Variants in PHLDB1 observed in about 807,000 individuals in gnomAD.
PHLDB1 encodes the protein pleckstrin homology like domain family B member 1.
In PHLDB1, 65 loss-of-function variants were observed where a neutral mutation model predicts 139.3. The ratio of observed to expected loss-of-function variants is 0.47; its 90% CI spans 0.38 to 0.57. The LOEUF is 0.57. PHLDB1 is among the 20% of genes least tolerant of loss of function. PHLDB1 has a pLI of 0.00. For missense variants in PHLDB1, 1,624 were observed against 1,839.7 expected (o/e 0.88, Z 2.14); for synonymous variants, 679 against 734.5 (o/e 0.92, Z 1.22).
At position 118,645,859 on chromosome 11, in the gene PHLDB1, G is replaced by T; in HGVS notation, c.3507+34G>T. On this transcript the variant is annotated intron_variant, in intron 17 of 22. Coordinates refer to ENST00000600882, the MANE Select transcript of PHLDB1 (RefSeq NM_001144758.3). The surrounding 1 kb of genome is among the most constrained non-coding windows in gnomAD (Gnocchi z 5.1). ...GACCTGGATCGGGGAGGCAGAAGGTGTTGGGGCACAGAGCTACCTACTGCA... is the reference window on the plus strand; with the variant it reads ...GACCTGGATCGGGGAGGCAGAAGGTTTTGGGGCACAGAGCTACCTACTGCA... 1 of 1,394,662 alleles carries T rather than the reference G, an allele frequency of 7.2e-7. No individual in the cohort carries two copies. Among genetic ancestry groups the T allele is most frequent in the Non-Finnish European group, 1.0e-6 (1 of 980,498 alleles). The allele number at this position is 1,394,662 out of a possible 1,614,324, so 86.4% of individuals were successfully genotyped here.
rs114884144 is a variant in PHLDB1, at chr11:118,620,121, G to T, written c.355+3910G>T. Reference sequence around the variant, plus strand: ...CTGAGAGCATAAAACATTGTGTCCCGTAAGGCTCTGGTGTGCAGGGGCCAG... The same window carrying T: ...CTGAGAGCATAAAACATTGTGTCCCTTAAGGCTCTGGTGTGCAGGGGCCAG... On this transcript the variant is annotated intron_variant, in intron 4 of 22. Coordinates refer to ENST00000600882, the MANE Select transcript of PHLDB1 (RefSeq NM_001144758.3). This position sits in a 1 kb window ranked among gnomAD's most constrained non-coding sequence, Gnocchi z 4.1. 1.3e-5 allele frequency among the ~76,000 whole-genome samples: 2 copies of T among 152,194 alleles called. No individual in the cohort carries two copies. The highest frequency in any genetic ancestry group is 4.8e-5 in the African/African-American group (2 of 41,442).
In PHLDB1 at chr11:118,643,887, T is replaced by G; in HGVS notation, c.2965T>G (p.Ser989Ala). Residue 989 changes from serine to alanine, a missense_variant, in exon 14 of 23, where the codon TCC (serine) becomes GCC (alanine). Coordinates refer to ENST00000600882, the MANE Select transcript of PHLDB1 (RefSeq NM_001144758.3). ...CCTCCCCTCCTCCTCTGGCTCTTCC[T>G]CCTCCTCCTCCCAGCTCAGCGTGGC... is the stretch of plus-strand genomic sequence containing the variant. ...GPLPSSSGSS[S>A]SSSQLSVATL... 6.2e-7 allele frequency: 1 copy of G among 1,609,214 alleles called. No individual in the cohort carries two copies.
Position 118,642,281 on chromosome 11 carries a change from G to C in PHLDB1, c.2764G>C (p.Asp922His). The change falls in exon 13 of 23, where the codon GAC (aspartate) becomes CAC (histidine). Residue 922 changes from aspartate to histidine, a missense_variant. Physicochemically the swap from Asp to His is moderately conservative, Grantham distance 81 (BLOSUM62 -1). Coordinates refer to ENST00000600882, the MANE Select transcript of PHLDB1 (RefSeq NM_001144758.3). ...EMEKLLLPAV[D>H]LEQWYQELMA... Reference sequence around the variant, plus strand: ...GGAGAAGCTGCTGCTCCCTGCTGTAGACTTAGAGCAGTGGTACCAGGAGCT... The same window carrying C: ...GGAGAAGCTGCTGCTCCCTGCTGTACACTTAGAGCAGTGGTACCAGGAGCT... 1 of 1,612,980 alleles carries C rather than the reference G, an allele frequency of 6.2e-7. No homozygotes were observed. The highest frequency in any genetic ancestry group is 8.5e-7 in the Non-Finnish European group (1 of 1,179,916).
Position 118,650,732 on chromosome 11 carries a change from T to C in PHLDB1, c.3874+185T>C. The C allele has an allele frequency of 1.7e-6, 1 of 598,732 alleles. No individual in the cohort carries two copies. The allele number at this position is 598,732 out of a possible 1,614,324, so 37.1% of individuals were successfully genotyped here. A position where few individuals can be genotyped will look rare whatever the true frequency, so the allele number is the denominator to read the frequency against. The stretch of plus-strand genomic sequence containing the variant: ...GGTTCACCTCCATTTTTGTGTTCAT[T>C]CATTCATTCCTTCATTCAGCAATGT... On this transcript the variant is annotated intron_variant, in intron 20 of 22. Coordinates refer to ENST00000600882, the MANE Select transcript of PHLDB1 (RefSeq NM_001144758.3). This position sits in a 1 kb window ranked among gnomAD's most constrained non-coding sequence, Gnocchi z 4.7.
chr11:118,625,867 T>A (rs782710384), intron 5 of PHLDB1, among the ~76,000 whole-genome samples: 1 of 152,164 alleles, frequency 6.6e-6, no homozygotes, highest in Non-Finnish European at 1.5e-5. Flanking sequence ...AAACTCAGTC[T>A]TGCAAAGGCT....
At position 118,635,503 on chromosome 11, in the gene PHLDB1, G is replaced by A. The variant is rs753674691; in HGVS notation, c.2490G>A (p.Leu830=). 1 of 1,607,864 alleles carries A rather than the reference G, an allele frequency of 6.2e-7. No homozygotes were observed. The highest frequency in any genetic ancestry group is 8.5e-7 in the Non-Finnish European group (1 of 1,177,552). The change falls in exon 10 of 23, where the codon CTG becomes CTA. Residue 830 remains leucine, a synonymous_variant. Coordinates refer to ENST00000600882, the MANE Select transcript of PHLDB1 (RefSeq NM_001144758.3). Reference sequence around the variant, plus strand: ...AGCGCGAGCTGGCCGGCCAGGGGCTGCTCCGGAGCAAGGCTGAGCTGCTCC... The same window carrying A: ...AGCGCGAGCTGGCCGGCCAGGGGCTACTCCGGAGCAAGGCTGAGCTGCTCC... ...EEERELAGQG[L]LRSKAELLRS...
In PHLDB1 at chr11:118,623,425, C is replaced by G. The variant is rs535619667; in HGVS notation, c.356-1509C>G. Among the ~76,000 whole-genome samples the G allele has an allele frequency of 3.7e-4, 57 of 152,334 alleles. 1 individual carries two copies. The highest frequency in any genetic ancestry group is 3.4e-3 in the Middle Eastern group (1 of 294). ...TGCCACTGTGCACACTCCAGGTGCC[C>G]CTGGCTACATTTTCCAGCTCCCACA... is the stretch of plus-strand genomic sequence containing the variant. On this transcript the variant is annotated intron_variant, in intron 4 of 22. Coordinates refer to ENST00000600882, the MANE Select transcript of PHLDB1 (RefSeq NM_001144758.3).
At position 118,615,724 on chromosome 11, in the gene PHLDB1, G is replaced by A. The variant is rs111894333; in HGVS notation, c.185-317G>A. 6.4e-3 allele frequency: 1,971 copies of A among 307,942 alleles called. 7 individuals are homozygous for A. The highest frequency in any genetic ancestry group is 9.6e-3 in the Non-Finnish European group (1,612 of 167,388). The allele number at this position is 307,942 out of a possible 1,614,324, so 19.1% of individuals were successfully genotyped here. A position where few individuals can be genotyped will look rare whatever the true frequency, so the allele number is the denominator to read the frequency against. On this transcript the variant is annotated intron_variant, in intron 3 of 22. Transcript: ENST00000600882. ...GGATAAAGGACAATAGGGAGAGGCA[G>A]TTGGGGGAATAAGGGAAGATCTGCA... is the stretch of plus-strand genomic sequence containing the variant.
rs1278822512 is a variant in PHLDB1, at chr11:118,632,851, G to A, written c.2379+555G>A. On this transcript the variant is annotated intron_variant, in intron 9 of 22. Coordinates refer to ENST00000600882, the MANE Select transcript of PHLDB1 (RefSeq NM_001144758.3). This position sits in a 1 kb window ranked among gnomAD's most constrained non-coding sequence, Gnocchi z 5.9. ...GGGCCACTCCCAGATGCCCAACACC[G>A]TGCCAAAAGCTCTGAAGTGGAGAGG... The A allele has an allele frequency of 4.5e-5, 44 of 985,256 alleles. No individual in the cohort carries two copies. The highest frequency in any genetic ancestry group is 5.1e-5 in the Non-Finnish European group (42 of 829,772). 61.0% of individuals were successfully genotyped at this position (985,256 alleles called of 1,614,324 possible).
intron 3 of PHLDB1, among the ~76,000 whole-genome samples, 189 bp from the exon 4 acceptor site, chr11:118,615,852 G>A (rs1941524738): frequency 6.6e-6 from 1 of 152,216 alleles, no homozygotes; most frequent in African/African-American, 2.4e-5. Flanking sequence ...AGTTTTCTCT[G>A]TTTGAGAACA....
chr11:118,607,204 A>G (rs1555079762), upstream of PHLDB1, among the ~76,000 whole-genome samples: 2 of 149,438 alleles, frequency 1.3e-5, no homozygotes, highest in East Asian at 4.0e-4. Flanking sequence ...GCAAAAAGAA[A>G]GAGGGGAGAG....
chr11:118,644,217 C>A, intron 15 of PHLDB1, 43 bp downstream of exon 15: 2 of 1,420,102 alleles, frequency 1.4e-6, no homozygotes, highest in East Asian at 2.3e-5. Context: ...CCTGAGGGGA[C>A]CCTGGGTAGT....
At position 118,644,184 on chromosome 11, in the gene PHLDB1, T is replaced by C; in HGVS notation, c.3121+10T>C. 6.3e-7 allele frequency: 1 copy of C among 1,595,050 alleles called. No homozygotes were observed. The highest frequency in any genetic ancestry group is 8.6e-7 in the Non-Finnish European group (1 of 1,168,282). On this transcript the variant is annotated intron_variant, in intron 15 of 22. Transcript: ENST00000600882. Reference sequence around the variant, plus strand: ...GCTCTGCAGCAGAAGGGTGAGTGACTGCCCCGCCAGCCCACCTGCTCTCCT... The same window carrying C: ...GCTCTGCAGCAGAAGGGTGAGTGACCGCCCCGCCAGCCCACCTGCTCTCCT...
At position 118,643,958 on chromosome 11, in the gene PHLDB1, G is replaced by A; in HGVS notation, c.3018+18G>A. The A allele has an allele frequency of 6.3e-7, 1 of 1,590,922 alleles. No homozygotes were observed. On this transcript the variant is annotated intron_variant, in intron 14 of 22. Coordinates refer to ENST00000600882, the MANE Select transcript of PHLDB1 (RefSeq NM_001144758.3). ...CCCCAAAGGTCTGAGGACAGTGGGT[G>A]GGGCTGCACATGTGGCTGGGGATGG...
chr11:118,640,470 C>T (rs1373910942), intron 12 of PHLDB1: 1 of 152,276 alleles, frequency 6.6e-6, no homozygotes, highest in Non-Finnish European at 1.5e-5. Flanking sequence ...ATCCTCCCGA[C>T]CCACAGTTGA....
chr11:118,647,975 C>G lies in PHLDB1; in HGVS notation c.3553C>G (p.Arg1185Gly). 1 of 1,593,828 alleles carries G rather than the reference C, an allele frequency of 6.3e-7. No individual in the cohort carries two copies. The highest frequency in any genetic ancestry group is 1.1e-5 in the South Asian group (1 of 88,308). ...GCGGCAGGCCCTGGAGGAGGAGCGG[C>G]GGAGGCGTGAGCAGGTAGAACGGAG... ...LRRQALEEER[R>G]RREQVERRLQ... Residue 1185 changes from arginine to glycine, a missense_variant, in exon 18 of 23, where the codon CGG becomes GGG. Transcript: ENST00000600882.
intron 1 of PHLDB1, 105 bp from the exon 2 acceptor site, chr11:118,613,711 T>C: frequency 3.0e-6 from 2 of 670,462 alleles, no homozygotes; most frequent in Non-Finnish European, 5.1e-6. Context: ...TGGGGAATGA[T>C]GGTGACTGGT....
chr11:118,608,678 G>T lies in PHLDB1; in HGVS notation c.-22+979G>T, dbSNP rs782113250. ...AACGCAAACGCAGGCGCCCCACCAC[G>T]CCGGGCTCCCACGCGGCACACACGC... On this transcript the variant is annotated intron_variant, in intron 1 of 22. Coordinates refer to ENST00000600882, the MANE Select transcript of PHLDB1 (RefSeq NM_001144758.3). The surrounding 1 kb of genome is among the most constrained non-coding windows in gnomAD (Gnocchi z 6.7). Among the ~76,000 whole-genome samples, 1 of 152,078 alleles carries T rather than the reference G, an allele frequency of 6.6e-6. No individual in the cohort carries two copies. The highest frequency in any genetic ancestry group is 1.5e-5 in the Non-Finnish European group (1 of 67,980).
At chr11:118,656,272 A>C (rs1396726475) in intron 22 of PHLDB1, among the ~76,000 whole-genome samples, 1 of 152,032 alleles carries the variant, frequency 6.6e-6, no homozygotes, top group East Asian at 1.9e-4. Context: ...CCCAGTCCTG[A>C]TCTCTGCTCC....
Sources: gnomAD v4.1 joint callset for allele counts (sites outside exome capture counted in the v4.1 genomes callset) on GRCh38, gnomAD v4.1.1 for gene constraint, Gnocchi (gnomAD v3.1) non-coding constraint, MANE v1.5 for transcripts, NCBI Gene and HGNC (gene_info 2026-07-23, HGNC 2026-07-21) for gene names.